The following TMEM266 variants were observed in gnomAD, a reference collection of about 807,000 sequenced individuals.
TMEM266 encodes transmembrane protein 266.
In TMEM266, 33 loss-of-function variants were observed where a neutral mutation model predicts 50.5. That is an observed-to-expected ratio of 0.65 (90% confidence interval 0.50 to 0.87). The LOEUF (loss-of-function observed/expected upper bound fraction) is 0.87, where lower values mean the gene tolerates loss of function less well. Among genes scored for constraint, TMEM266 ranks in the 40% least tolerant of loss-of-function variants. The pLI is 0.00. For synonymous variants in TMEM266, 310 were observed against 292.3 expected, an observed-to-expected ratio of 1.06 and a Z score of -0.62; for missense variants, 655 against 695.1, an observed-to-expected ratio of 0.94 and a Z score of 0.65.
chr15:76,115,148 G>A (rs1463560280), intron 1 of TMEM266, among the ~76,000 whole-genome samples: 1 of 152,074 alleles, frequency 6.6e-6, no homozygotes, highest in African/African-American at 2.4e-5. Flanking sequence ...TTAAAATAAA[G>A]CATGCTCATA....
At position 76,122,404 on chromosome 15, in the gene TMEM266, T is replaced by C. The variant is rs78396919; in HGVS notation, c.-96-11764T>C. 9.0e-4 allele frequency among the ~76,000 whole-genome samples: 137 copies of C among 152,364 alleles called. 1 individual carries two copies. The highest frequency in any genetic ancestry group is 3.2e-3 in the African/African-American group (134 of 41,600). ...GCAGGTAAAAAATGGGATCTTTTTT[T>C]TACAATCTTACCATATGTAGTATGA... On this transcript the variant is annotated intron_variant, in intron 1 of 10. Coordinates refer to ENST00000388942, the MANE Select transcript of TMEM266 (RefSeq NM_152335.3).
chr15:76,194,033 C>T lies in TMEM266; in HGVS notation c.958+1876C>T, dbSNP rs568773388. 5.2e-3 allele frequency among the ~76,000 whole-genome samples: 784 copies of T among 151,626 alleles called. 7 individuals are homozygous for T. Among genetic ancestry groups the T allele is most frequent in the African/African-American group, 0.017 (724 of 41,382 alleles). ...GGTGGCCACTACTGCTTTTTTTTTTCTGGACCCAGGTCCCCACGATGCAGC... is the reference window on the plus strand; with the variant it reads ...GGTGGCCACTACTGCTTTTTTTTTTTTGGACCCAGGTCCCCACGATGCAGC... On this transcript the variant is annotated intron_variant, in intron 9 of 10. Transcript: ENST00000388942.
chr15:76,174,341 A>G lies in TMEM266; in HGVS notation c.653-1218A>G, dbSNP rs535363618. Among the ~76,000 whole-genome samples the G allele has an allele frequency of 3.9e-5, 6 of 152,274 alleles. No homozygotes were observed. The East Asian group carries it at 1.2e-3, about 29-fold the overall frequency. On this transcript the variant is annotated intron_variant, in intron 7 of 10. Coordinates refer to ENST00000388942, the MANE Select transcript of TMEM266 (RefSeq NM_152335.3). Reference sequence around the variant, plus strand: ...TGAGGCGGGTGGATCACTAGAGGTCAGGAGTTTGAGACCAGCCTGGCCAAC... The same window carrying G: ...TGAGGCGGGTGGATCACTAGAGGTCGGGAGTTTGAGACCAGCCTGGCCAAC...
intron 1 of TMEM266, among the ~76,000 whole-genome samples, chr15:76,064,467 C>T (rs2036373462): frequency 6.6e-6 from 1 of 152,116 alleles, no homozygotes; most frequent in Non-Finnish European, 1.5e-5. Flanking sequence ...AGGACTGATT[C>T]ATCTGCAGAA....
intron 1 of TMEM266, among the ~76,000 whole-genome samples, chr15:76,106,157 AGC>A (rs374183417): frequency 7.8e-4 from 119 of 151,854 alleles, no homozygotes; most frequent in African/African-American, 2.8e-3. Flanking sequence ...CCCATCCCCC[AGC>A]CCCTGCAAAG....
At chr15:76,136,846 G>T (rs1356292374) in intron 2 of TMEM266, among the ~76,000 whole-genome samples, 1 of 152,156 alleles carries the variant, frequency 6.6e-6, no homozygotes, top group Admixed American at 6.5e-5. Flanking sequence ...AGCGTCCCCA[G>T]CCCTACTTAA....
intron 1 of TMEM266, among the ~76,000 whole-genome samples, chr15:76,084,640 GC>G (rs1164649575): frequency 2.7e-5 from 4 of 149,480 alleles, no homozygotes; most frequent in Non-Finnish European, 5.9e-5. Context: ...TTGCTGTGTT[GC>G]CCAGGCTGGA....
Position 76,139,948 on chromosome 15 carries a change from G to C in TMEM266, c.227+2053G>C, listed in dbSNP as rs888339962. Among the ~76,000 whole-genome samples the C allele has an allele frequency of 1.3e-5, 2 of 152,198 alleles. No homozygotes were observed. Among genetic ancestry groups the C allele is most frequent in the African/African-American group, 4.8e-5 (2 of 41,446 alleles). ...ACCCCTTTCAGGGGTCCTGTGCTGT[G>C]GTGTACCCCTTTCCAGGTATCCCCT... On this transcript the variant is annotated intron_variant, in intron 3 of 10. Transcript: ENST00000388942. The surrounding 1 kb of genome is among the most constrained non-coding windows in gnomAD (Gnocchi z 4.1).
chr15:76,171,233 C>T, intron 7 of TMEM266, 102 bp downstream of exon 7: 1 of 1,477,114 alleles, frequency 6.8e-7, no homozygotes, highest in Middle Eastern at 2.0e-4. Context: ...CTGCTGGCGT[C>T]AGGACGGAAG....
chr15:76,075,632 T>C (rs2036593893), intron 1 of TMEM266, among the ~76,000 whole-genome samples: 1 of 151,970 alleles, frequency 6.6e-6, no homozygotes. Flanking sequence ...ACTTTCTACA[T>C]GCTTCACACT....
chr15:76,130,659 A>G (rs529390644), intron 1 of TMEM266, among the ~76,000 whole-genome samples: 1 of 152,384 alleles, frequency 6.6e-6, no homozygotes, highest in East Asian at 1.9e-4. Context: ...AACGGCATCT[A>G]GGATTTATTC....
rs1298249144 is a variant in TMEM266 at position 76,156,268 on chromosome 15, G to A, written c.228-336G>A. On this transcript the variant is annotated intron_variant, in intron 3 of 10. Transcript: ENST00000388942. Reference sequence around the variant, plus strand: ...CCAGCTATTTGGGAGCCTGAGGCAGGAGAATTGCTTGAACCTGGGAGACAG... The same window carrying A: ...CCAGCTATTTGGGAGCCTGAGGCAGAAGAATTGCTTGAACCTGGGAGACAG... 3.3e-5 allele frequency among the ~76,000 whole-genome samples: 5 copies of A among 152,278 alleles called. No homozygotes were observed. In the East Asian group the frequency reaches 9.6e-4, roughly 29 times the overall value.
chr15:76,121,850 ACTT>A (rs747983338), intron 1 of TMEM266, among the ~76,000 whole-genome samples: 6 of 152,132 alleles, frequency 3.9e-5, no homozygotes, highest in Non-Finnish European at 8.8e-5. Context: ...CACTATTCTC[ACTT>A]CTTTGATGTA....
chr15:76,162,321 C>T (rs35798669), intron 5 of TMEM266, among the ~76,000 whole-genome samples: 17,953 of 152,222 alleles, frequency 0.12, 1,478 homozygotes, highest in Admixed American at 0.23. Flanking sequence ...ACAGAACCTG[C>T]GGGAATACAC....
intron 1 of TMEM266, among the ~76,000 whole-genome samples, chr15:76,090,729 A>C (rs1406918182): frequency 1.3e-5 from 2 of 152,044 alleles, no homozygotes; most frequent in East Asian, 3.8e-4. Flanking sequence ...AGAAGTAGAG[A>C]GATTAGAATT....
intron 1 of TMEM266, among the ~76,000 whole-genome samples, chr15:76,086,457 T>C (rs1307239166): frequency 4.6e-5 from 7 of 152,192 alleles, no homozygotes; most frequent in Non-Finnish European, 1.0e-4. Flanking sequence ...TTCAGGTTCT[T>C]GGTGTCTTGA....
intron 4 of TMEM266, among the ~76,000 whole-genome samples, chr15:76,157,424 G>A (rs1172359297): frequency 6.6e-6 from 1 of 152,124 alleles, no homozygotes; most frequent in Non-Finnish European, 1.5e-5. Flanking sequence ...TTAACTGCTT[G>A]GCCAGTTCTC....
At chr15:76,132,814 AT>A (rs1400155198) in intron 1 of TMEM266, among the ~76,000 whole-genome samples, 9 of 17,416 alleles carry the variant, frequency 5.2e-4, no homozygotes, top group African/African-American at 1.9e-3. Context: ...AATAATAGTA[AT>A]TATTATTATT....
intron 9 of TMEM266, among the ~76,000 whole-genome samples, chr15:76,198,636 TGTCCA>T (rs2038692326): frequency 2.0e-5 from 3 of 152,254 alleles, no homozygotes; most frequent in Admixed American, 1.3e-4. Flanking sequence ...CATAGTCTTC[TGTCCA>T]GTCCAGCCTA....
Sources: gnomAD v4.1 joint callset for allele counts (sites outside exome capture counted in the v4.1 genomes callset) on GRCh38, gnomAD v4.1.1 for gene constraint, Gnocchi (gnomAD v3.1) non-coding constraint, MANE v1.5 for transcripts, NCBI Gene and HGNC (gene_info 2026-07-23, HGNC 2026-07-21) for gene names.